Variants in GLYATL1 observed in about 807,000 individuals in gnomAD.
GLYATL1 encodes the protein glycine-N-acyltransferase like 1.
A neutral mutation model predicts 20.0 loss-of-function variants in GLYATL1; 15 were observed. That is an observed-to-expected ratio of 0.75 (90% CI 0.50 to 1.15). The LOEUF (loss-of-function observed/expected upper bound fraction) is 1.15, where lower values mean the gene tolerates loss of function less well. Among genes scored for constraint, GLYATL1 ranks in the 50% most tolerant of loss-of-function variants. The pLI, the probability that GLYATL1 is intolerant of heterozygous loss-of-function variation, is 0.00. For synonymous variants in GLYATL1, 151 were observed against 131.5 expected (o/e 1.15, Z -1.01); for missense variants, 380 against 368.5 (o/e 1.03, Z -0.26).
downstream of GLYATL1, among the ~76,000 whole-genome samples, chr11:58,911,359 A>G (rs896927733): frequency 1.3e-5 from 2 of 152,200 alleles, no homozygotes; most frequent in Non-Finnish European, 2.9e-5. Flanking sequence ...AATTGCTTTC[A>G]TGGAAAGTGT....
chr11:58,916,502 A>AC, intron 1 of GLYATL1, among the ~76,000 whole-genome samples: 1 of 152,210 alleles, frequency 6.6e-6, no homozygotes, highest in Non-Finnish European at 1.5e-5. Context: ...AGTGGGTGGT[A>AC]ATAGTAGCAG....
At chr11:58,943,751 T>G (rs1856354552) in intron 2 of GLYATL1, 85 bp downstream of exon 2, 1 of 1,558,080 alleles carries the variant, frequency 6.4e-7, no homozygotes, top group African/African-American at 1.4e-5. Flanking sequence ...TGATCCAAAC[T>G]GGGTTTGGAG....
intron 1 of GLYATL1, chr11:58,942,496 G>T (rs1856232068): frequency 6.6e-6 from 1 of 152,200 alleles, no homozygotes; most frequent in Non-Finnish European, 1.5e-5. Context: ...AGTGGGAGGG[G>T]AAAAGATACT....
At chr11:58,949,029 T>C (rs762388281) in intron 4 of GLYATL1, among the ~76,000 whole-genome samples, 7 of 152,364 alleles carry the variant, frequency 4.6e-5, no homozygotes, top group Admixed American at 2.6e-4. Context: ...ACTTAGTACA[T>C]AGCACATAAC....
intron 4 of GLYATL1, among the ~76,000 whole-genome samples, chr11:58,948,705 T>A (rs1475934913): frequency 6.6e-6 from 1 of 152,198 alleles, no homozygotes; most frequent in Non-Finnish European, 1.5e-5. Context: ...TCATAATTAC[T>A]GTGTGTCAAC....
At chr11:58,949,045 A>G (rs1040435913) in intron 4 of GLYATL1, among the ~76,000 whole-genome samples, 1 of 152,268 alleles carries the variant, frequency 6.6e-6, no homozygotes, top group East Asian at 1.9e-4. Context: ...ATAACTGTAA[A>G]TAGTGTTTAC....
At chr11:58,937,446 C>G (rs1206477567), upstream of GLYATL1, among the ~76,000 whole-genome samples, 2 of 152,134 alleles carry the variant, frequency 1.3e-5, no homozygotes, top group Non-Finnish European at 2.9e-5. Context: ...GAAAAAAATT[C>G]CCCAAGATTT....
upstream of GLYATL1, among the ~76,000 whole-genome samples, chr11:58,937,230 T>A (rs939660136): frequency 6.6e-6 from 1 of 152,096 alleles, no homozygotes; most frequent in Admixed American, 6.5e-5. Context: ...TAACAACCCC[T>A]CCCTGAGTGT....
At chr11:58,922,869 C>A (rs553249247), upstream of GLYATL1, among the ~76,000 whole-genome samples, 10 of 152,180 alleles carry the variant, frequency 6.6e-5, no homozygotes, top group African/African-American at 9.7e-5. Flanking sequence ...GTCCTCCAAC[C>A]GTGGTCATCA....
At position 58,932,110 on chromosome 11, in the gene GLYATL1, C is replaced by CAAAAAA. The variant is rs5792141; in HGVS notation, c.-212+4299_-212+4304dup. Among the ~76,000 whole-genome samples the CAAAAAA allele has an allele frequency of 7.9e-3, 488 of 61,420 alleles. 23 individuals carry two copies. Among genetic ancestry groups the CAAAAAA allele is most frequent in the East Asian group, 0.031 (48 of 1,542 alleles). 40.3% of individuals were successfully genotyped at this position (61,420 alleles called of 152,430 possible). A position where few individuals can be genotyped will look rare whatever the true frequency, so the allele number is the denominator to read the frequency against. Reference sequence around the variant, plus strand: ...CTAGGGGACAGAAGAGACCCCTTCTCAAAAAAAAAAAAAAAAAAAAAAAGA... The same window carrying CAAAAAA: ...CTAGGGGACAGAAGAGACCCCTTCTCAAAAAAAAAAAAAAAAAAAAAAAAAAAAAGA... On this transcript the variant is annotated intron_variant, in intron 1 of 7. Transcript: ENST00000317391.
upstream of GLYATL1, chr11:58,935,759 T>C (rs556621288): frequency 6.6e-6 from 1 of 152,154 alleles, no homozygotes; most frequent in South Asian, 2.1e-4. Flanking sequence ...CACACACATA[T>C]ATACACACAA....
upstream of GLYATL1, chr11:58,934,604 T>G (rs550602332): frequency 2.4e-4 from 37 of 152,506 alleles, no homozygotes; most frequent in African/African-American, 7.5e-4. Flanking sequence ...GGAACTGGAC[T>G]GGAACCTAAG....
chr11:58,928,829 G>A (rs1488627616), intron 1 of GLYATL1: 1 of 152,128 alleles, frequency 6.6e-6, no homozygotes, highest in Non-Finnish European at 1.5e-5. Flanking sequence ...CAGGTACCCT[G>A]GTTTAAAGTA....
intron 1 of GLYATL1, among the ~76,000 whole-genome samples, chr11:58,922,559 G>C (rs191117844): frequency 6.6e-6 from 1 of 152,114 alleles, no homozygotes; most frequent in Non-Finnish European, 1.5e-5. Context: ...CTCCCTCTCC[G>C]GTGAGACTGG....
At chr11:58,925,231 A>T (rs1233393499), upstream of GLYATL1, among the ~76,000 whole-genome samples, 1 of 152,204 alleles carries the variant, frequency 6.6e-6, no homozygotes, top group Non-Finnish European at 1.5e-5. Context: ...CTTCATTTTA[A>T]TGTCTAGTTT....
At chr11:58,955,550 G>A (rs888344893) in intron 6 of GLYATL1, 60 bp from the exon 7 acceptor site, 39 of 1,538,844 alleles carry the variant, frequency 2.5e-5, no homozygotes, top group Non-Finnish European at 2.3e-5. Context: ...GATTGGGATG[G>A]CACCTAGAAA....
At chr11:58,913,135 G>A (rs1855090805), downstream of GLYATL1, among the ~76,000 whole-genome samples, 6 of 152,146 alleles carry the variant, frequency 3.9e-5, no homozygotes. Context: ...GGCAGAGGGA[G>A]GGGTGGACAG....
At chr11:58,922,476 A>T (rs539367170) in intron 1 of GLYATL1, among the ~76,000 whole-genome samples, 6 of 152,310 alleles carry the variant, frequency 3.9e-5, no homozygotes, top group Admixed American at 2.6e-4. Flanking sequence ...TGCATAACTC[A>T]GGTGCAGCCA....
Position 58,956,196 on chromosome 11 carries a change from C to T in GLYATL1, c.*169C>T, listed in dbSNP as rs888021281. On this transcript the variant is annotated 3_prime_UTR_variant, in exon 7 of 7. Coordinates refer to ENST00000532726, the MANE Select transcript of GLYATL1 (RefSeq NM_001389712.2). ...AAGACACAGCCATGCTCTTGAGGAGCTTACAATCCTGGCTGGAGGCAGGGG... is the reference window on the plus strand; with the variant it reads ...AAGACACAGCCATGCTCTTGAGGAGTTTACAATCCTGGCTGGAGGCAGGGG... The T allele has an allele frequency of 1.6e-6, 1 of 644,814 alleles. No individual in the cohort carries two copies. Among genetic ancestry groups the T allele is most frequent in the Non-Finnish European group, 2.6e-6 (1 of 379,066 alleles). The allele number at this position is 644,814 out of a possible 1,614,324, so 39.9% of individuals were successfully genotyped here.
Sources: gnomAD v4.1 joint callset for allele counts (sites outside exome capture counted in the v4.1 genomes callset) on GRCh38, gnomAD v4.1.1 for gene constraint, MANE v1.5 for transcripts, NCBI Gene and HGNC (gene_info 2026-07-23, HGNC 2026-07-21) for gene names.